RAC2: variants seen among roughly 807,000 people sequenced by gnomAD.
RAC2 encodes ras-related C3 botulinum toxin substrate 2.
A neutral mutation model predicts 24.0 loss-of-function variants in RAC2; 1 was observed. The observed-to-expected ratio is 0.04, with a 90% confidence interval of 0.01 to 0.20. RAC2 has a LOEUF of 0.20. Among genes scored for constraint, RAC2 ranks in the 10% least tolerant of loss-of-function variants. RAC2 has a pLI of 1.00. For synonymous variants in RAC2, 114 were observed against 106.8 expected, an observed-to-expected ratio of 1.07 and a Z score of -0.41; for missense variants, 130 against 259.1, an observed-to-expected ratio of 0.50 and a Z score of 3.42.
At chr22:37,233,119 G>T (rs1042321696) in intron 2 of RAC2, among the ~76,000 whole-genome samples, 2 of 152,142 alleles carry the variant, frequency 1.3e-5, no homozygotes, top group Non-Finnish European at 2.9e-5. Flanking sequence ...TGTAATACAA[G>T]TTAACAAGAA....
chr22:37,231,362 G>A lies in RAC2; in HGVS notation c.317C>T (p.Pro106Leu), dbSNP rs140997946. The A allele has an allele frequency of 6.2e-7, 1 of 1,614,040 alleles. No individual in the cohort carries two copies. Among genetic ancestry groups the A allele is most frequent in the African/African-American group, 1.3e-5 (1 of 74,926 alleles). ...GCCCACCAGGATGATGGGTGTGCTG[G>A]GGCAGTGGTGCCGCACTTCTGGGAA... is the stretch of plus-strand genomic sequence containing the variant. ...KWFPEVRHHC[P>L]STPIILVGTK... is the part of the protein sequence containing the mutation. The change falls in exon 5 of 7, where the codon CCC (proline) becomes CTC (leucine). Residue 106 changes from proline to leucine, a missense_variant. Transcript: ENST00000249071. The surrounding 1 kb of genome is among the most constrained non-coding windows in gnomAD (Gnocchi z 5.5).
chr22:37,238,447 C>T (rs1927299922), intron 2 of RAC2, among the ~76,000 whole-genome samples: 1 of 152,126 alleles, frequency 6.6e-6, no homozygotes, highest in South Asian at 2.1e-4. Context: ...TCCATGTTGC[C>T]CAGGCTGGTC....
chr22:37,229,230 T>C (rs1276761241), intron 5 of RAC2, among the ~76,000 whole-genome samples: 1 of 148,298 alleles, frequency 6.7e-6, no homozygotes, highest in Non-Finnish European at 1.5e-5. Flanking sequence ...CTAGGACTCA[T>C]TGCCATGCGA....
At chr22:37,243,008 G>GT (rs79688282) in intron 1 of RAC2, among the ~76,000 whole-genome samples, 18,059 of 152,062 alleles carry the variant, frequency 0.12, 1,310 homozygotes, top group Admixed American at 0.2. Context: ...TTTATTTTGT[G>GT]TTTTTTTAAG....
At chr22:37,226,920 A>AG (rs1399367085) in intron 5 of RAC2, 117 bp from the exon 6 acceptor site, 1 of 1,202,356 alleles carries the variant, frequency 8.3e-7, no homozygotes, top group Non-Finnish European at 1.1e-6. Context: ...CACGCCATAC[A>AG]CCCCTCCCAC....
chr22:37,229,190 C>T (rs1481360500), intron 5 of RAC2, among the ~76,000 whole-genome samples: 1 of 152,210 alleles, frequency 6.6e-6, no homozygotes, highest in Non-Finnish European at 1.5e-5. Flanking sequence ...TAGTCAGTTC[C>T]CCCTCTCCGG....
At position 37,244,205 on chromosome 22, in the gene RAC2, G is replaced by A; in HGVS notation, c.-57C>T. 8 of 1,602,824 alleles carry A rather than the reference G, an allele frequency of 5.0e-6. No homozygotes were observed. The highest frequency in any genetic ancestry group is 6.8e-6 in the Non-Finnish European group (8 of 1,173,968). Reference sequence around the variant, plus strand: ...ACAGCTCAGGGCCAGGCGCGTTTCTGCGGGCGCAAGGGGTGTGGAGGCTGG... The same window carrying A: ...ACAGCTCAGGGCCAGGCGCGTTTCTACGGGCGCAAGGGGTGTGGAGGCTGG... On this transcript the variant is annotated 5_prime_UTR_variant, in exon 1 of 7. Transcript: ENST00000249071.
chr22:37,231,097 C>G lies in RAC2; in HGVS notation c.448+134G>C, dbSNP rs533599400. 1.9e-5 allele frequency: 21 copies of G among 1,115,438 alleles called. No homozygotes were observed. In the African/African-American group the frequency reaches 2.5e-4, roughly 13 times the overall value. 69.1% of individuals were successfully genotyped at this position (1,115,438 alleles called of 1,614,324 possible). A position where few individuals can be genotyped will look rare whatever the true frequency, so the allele number is the denominator to read the frequency against. ...AGGCTACGTGACTCGCCCAAGGTCA[C>G]ACAGCAAGTGCACAGCACAGCTGAG... On this transcript the variant is annotated intron_variant, in intron 5 of 6. Coordinates refer to ENST00000249071, the MANE Select transcript of RAC2 (RefSeq NM_002872.5). The surrounding 1 kb of genome is among the most constrained non-coding windows in gnomAD (Gnocchi z 5.5).
intron 5 of RAC2, among the ~76,000 whole-genome samples, chr22:37,227,556 CCCTTCCCATGCCTCCCACGCCATATA>C (rs1926915770): frequency 8.5e-6 from 1 of 117,222 alleles, no homozygotes. Context: ...CGCCATACAC[CCCTTCCCATGCCTCCCACGCCATATA>C]CCCCTCCCAC....
chr22:37,240,913 CAG>C, intron 2 of RAC2: 1 of 663,608 alleles, frequency 1.5e-6, no homozygotes, highest in South Asian at 1.7e-5. Context: ...CCGGAGGAGG[CAG>C]AGTGTGAAGC....
chr22:37,240,042 G>C (rs767424456), intron 2 of RAC2, among the ~76,000 whole-genome samples: 4 of 152,188 alleles, frequency 2.6e-5, no homozygotes, highest in Non-Finnish European at 5.9e-5. Flanking sequence ...GGGTTTCCCT[G>C]CCCTCTCCTG....
At chr22:37,227,473 CCCCTCCCACGCCATACATCCCTCCCACG>C (rs1926906828) in intron 5 of RAC2, among the ~76,000 whole-genome samples, 2 of 46 alleles carry the variant, frequency 0.043, no homozygotes, top group East Asian at 0.12. Flanking sequence ...CGCCATACAC[CCCCTCCCACGCCATACATCCCTCCCACG>C]CCTCCCATGC....
intron 3 of RAC2, 107 bp from the exon 4 acceptor site, chr22:37,232,101 A>AGCATTCCCTG: frequency 4.4e-6 from 5 of 1,140,806 alleles, no homozygotes; most frequent in Non-Finnish European, 6.4e-6. Context: ...GGAACACCCC[A>AGCATTCCCTG]GGGAATGCTG....
chr22:37,240,720 T>A, intron 2 of RAC2: 1 of 407,646 alleles, frequency 2.5e-6, no homozygotes, highest in Non-Finnish European at 4.6e-6. Context: ...AAAGTCACTC[T>A]GGGGAGTGGA....
chr22:37,233,399 C>T (rs906665842), intron 2 of RAC2, among the ~76,000 whole-genome samples: 1 of 152,202 alleles, frequency 6.6e-6, no homozygotes, highest in African/African-American at 2.4e-5. Context: ...TCTCCTGCCT[C>T]GGCCTCCCAA....
chr22:37,242,000 G>C (rs905309371), intron 1 of RAC2, among the ~76,000 whole-genome samples: 1 of 152,184 alleles, frequency 6.6e-6, no homozygotes, highest in Non-Finnish European at 1.5e-5. Flanking sequence ...AGGGGCCCCC[G>C]ACGCCTGACC....
intron 5 of RAC2, 86 bp from the exon 6 acceptor site, chr22:37,226,889 T>C (rs1159600200): frequency 5.9e-6 from 9 of 1,525,522 alleles, no homozygotes; most frequent in Non-Finnish European, 8.1e-6. Context: ...ATACAACCCC[T>C]TCCACGCCAT....
At chr22:37,239,314 T>A (rs776383273) in intron 2 of RAC2, among the ~76,000 whole-genome samples, 5 of 152,180 alleles carry the variant, frequency 3.3e-5, no homozygotes. Flanking sequence ...GATGTAGACA[T>A]CAGAGTATTA....
chr22:37,240,727 T>G, intron 2 of RAC2: 1 of 417,386 alleles, frequency 2.4e-6, no homozygotes, highest in Non-Finnish European at 4.5e-6. Context: ...CTCTGGGGAG[T>G]GGAGACCCCT....
Sources: allele counts gnomAD v4.1 joint callset (sites outside exome capture counted in the v4.1 genomes callset), GRCh38; gene constraint gnomAD v4.1.1; non-coding constraint Gnocchi (gnomAD v3.1); transcripts MANE v1.5; gene names NCBI Gene and HGNC (gene_info 2026-07-23, HGNC 2026-07-21).